The following SHROOM3 variants were observed in gnomAD, a reference collection of about 807,000 sequenced individuals.
SHROOM3 encodes the protein protein Shroom3.
In SHROOM3, 47 loss-of-function variants were observed where a neutral mutation model predicts 138.6. The observed-to-expected ratio is 0.34, with a 90% CI of 0.27 to 0.43. The LOEUF is 0.43. Among genes scored for constraint, SHROOM3 ranks in the 20% least tolerant of loss-of-function variants. The pLI, the probability that SHROOM3 is intolerant of heterozygous loss-of-function variation, is 1.00. For synonymous variants in SHROOM3, 1,062 were observed against 1,063.3 expected (o/e 1.00, Z 0.02); for missense variants, 2,491 against 2,596.5 (o/e 0.96, Z 0.88).
At chr4:76,681,034 A>G (rs1355087811) in intron 2 of SHROOM3, among the ~76,000 whole-genome samples, 2 of 152,220 alleles carry the variant, frequency 1.3e-5, no homozygotes, top group East Asian at 1.9e-4. Flanking sequence ...CCTACAAAAT[A>G]AAGTACAGAT....
intron 5 of SHROOM3, among the ~76,000 whole-genome samples, chr4:76,747,620 C>T (rs923499443): frequency 6.6e-6 from 1 of 152,082 alleles, no homozygotes; most frequent in Non-Finnish European, 1.5e-5. Context: ...CTGGGTTAGG[C>T]GCTCACATGG....
intron 1 of SHROOM3, among the ~76,000 whole-genome samples, chr4:76,441,475 T>C (rs545193908): frequency 6.1e-4 from 93 of 152,298 alleles, no homozygotes; most frequent in African/African-American, 2.2e-3. Flanking sequence ...CTTTTTCGTC[T>C]CCTTCCAACT....
chr4:76,477,665 G>A (rs1265773121), intron 1 of SHROOM3, among the ~76,000 whole-genome samples: 1 of 152,154 alleles, frequency 6.6e-6, no homozygotes, highest in African/African-American at 2.4e-5. Context: ...AAGAACAGAT[G>A]ATGTGATTTT....
chr4:76,572,143 G>A lies in SHROOM3; in HGVS notation c.323+16380G>A, dbSNP rs1323280071. ...TCTTACTCCCTCAGAGCCTTGCTAG[G>A]AGATGATTTGCTAATCTTTGACATG... On this transcript the variant is annotated intron_variant, in intron 2 of 10. Transcript: ENST00000296043. 3.9e-5 allele frequency among the ~76,000 whole-genome samples: 6 copies of A among 152,160 alleles called. No homozygotes were observed. The East Asian group carries it at 1.2e-3, about 29-fold the overall frequency.
intron 1 of SHROOM3, among the ~76,000 whole-genome samples, chr4:76,552,014 A>G (rs890158523): frequency 1.6e-5 from 2 of 125,000 alleles, no homozygotes; most frequent in African/African-American, 3.3e-5. Context: ...GGCGCCCGCC[A>G]TCACGCCCGG....
chr4:76,451,475 A>C (rs1334260678), intron 1 of SHROOM3, among the ~76,000 whole-genome samples: 2 of 152,248 alleles, frequency 1.3e-5, no homozygotes, highest in East Asian at 1.9e-4. Context: ...CATTGGTGAA[A>C]GAAATCAGAC....
At chr4:76,770,563 T>G (rs1578035110) in intron 9 of SHROOM3, 63 bp from the exon 10 acceptor site, 1 of 1,597,986 alleles carries the variant, frequency 6.3e-7, no homozygotes, top group East Asian at 2.2e-5. Context: ...CTGGGGGAGG[T>G]GACTTCTGCT....
At chr4:76,600,630 C>G (rs1370409621) in intron 2 of SHROOM3, among the ~76,000 whole-genome samples, 1 of 152,062 alleles carries the variant, frequency 6.6e-6, no homozygotes, top group Admixed American at 6.5e-5. Context: ...GATAAGAGAC[C>G]GGGTGACTGT....
intron 1 of SHROOM3, among the ~76,000 whole-genome samples, chr4:76,529,349 CT>C: frequency 6.6e-6 from 1 of 151,528 alleles, no homozygotes; most frequent in Non-Finnish European, 1.5e-5. Flanking sequence ...CAGAGTCTCG[CT>C]CTGTTGCCCA....
intron 3 of SHROOM3, among the ~76,000 whole-genome samples, chr4:76,720,270 G>C (rs1353421723): frequency 2.1e-5 from 3 of 143,302 alleles, no homozygotes; most frequent in African/African-American, 7.8e-5. Context: ...GTTCAGGCCT[G>C]TAATCCCTTT....
intron 8 of SHROOM3, chr4:76,758,420 A>G (rs1326242938): frequency 1.3e-5 from 2 of 151,110 alleles, no homozygotes. Flanking sequence ...CAGAATGGTC[A>G]TGGAGCTTTT....
chr4:76,774,299 CAAGT>C (rs1212379535), intron 10 of SHROOM3, among the ~76,000 whole-genome samples: 1 of 152,108 alleles, frequency 6.6e-6, no homozygotes, highest in African/African-American at 2.4e-5. Context: ...CTCTTAAATA[CAAGT>C]AAGTTTGCTC....
At chr4:76,755,281 A>G (rs2110144287) in intron 7 of SHROOM3, 89 bp downstream of exon 7, 8 of 1,455,202 alleles carry the variant, frequency 5.5e-6, no homozygotes, top group South Asian at 1.2e-5. Context: ...CCACAGAAGA[A>G]CCCTGGCATG....
At chr4:76,726,191 C>T (rs146466055) in intron 3 of SHROOM3, among the ~76,000 whole-genome samples, 1 of 152,182 alleles carries the variant, frequency 6.6e-6, no homozygotes, top group East Asian at 1.9e-4. Flanking sequence ...TCCTCACTCT[C>T]CCCACTAGAA....
At chr4:76,644,304 T>A (rs1044971840) in intron 2 of SHROOM3, 1 of 150,310 alleles carries the variant, frequency 6.7e-6, no homozygotes, top group Non-Finnish European at 1.5e-5. Flanking sequence ...CAGGCTGGAG[T>A]GCAATGGCAT....
chr4:76,779,404 C>T lies in SHROOM3; in HGVS notation c.*227C>T, dbSNP rs942075975. On this transcript the variant is annotated 3_prime_UTR_variant, in exon 11 of 11. Transcript: ENST00000296043. ...GGACACGTACCCCTTTCTATTATTA[C>T]TTTGTAGTAGAAAGAAAGTTAATGA... is the stretch of plus-strand genomic sequence containing the variant. 1.5e-5 allele frequency: 8 copies of T among 517,008 alleles called. No homozygotes were observed. The highest frequency in any genetic ancestry group is 5.8e-5 in the African/African-American group (3 of 51,936). 32.0% of individuals were successfully genotyped at this position (517,008 alleles called of 1,614,324 possible).
Position 76,696,605 on chromosome 4 carries a change from C to G in SHROOM3, c.324-13551C>G, listed in dbSNP as rs949121818. 2.6e-5 allele frequency among the ~76,000 whole-genome samples: 4 copies of G among 152,316 alleles called. No individual in the cohort carries two copies. The South Asian group carries it at 6.2e-4, about 24-fold the overall frequency. On this transcript the variant is annotated intron_variant, in intron 2 of 10. Transcript: ENST00000296043. Reference sequence around the variant, plus strand: ...GTCATAGGCTGGCCTGGCCTGGCGTCCCTGACCTGCCAAACTCCTCCCTGA... The same window carrying G: ...GTCATAGGCTGGCCTGGCCTGGCGTGCCTGACCTGCCAAACTCCTCCCTGA...
intron 1 of SHROOM3, among the ~76,000 whole-genome samples, chr4:76,504,315 C>T (rs1291188878): frequency 6.6e-6 from 1 of 152,102 alleles, no homozygotes; most frequent in East Asian, 1.9e-4. Context: ...TGCGCCACCA[C>T]GCCTGGCTAA....
chr4:76,740,896 C>T lies in SHROOM3; in HGVS notation c.2723C>T (p.Pro908Leu). The change falls in exon 5 of 11, where the codon CCC (proline) becomes CTC (leucine). Residue 908 changes from proline to leucine, a missense_variant. Physicochemically the swap from Pro to Leu is moderately conservative, Grantham distance 98 (BLOSUM62 -3). This residue lies in a region of SHROOM3 where 1,733 missense variants were observed against 1,661.6 expected (regional missense o/e 1.04). Coordinates refer to ENST00000296043, the MANE Select transcript of SHROOM3 (RefSeq NM_020859.4). The surrounding 1 kb of genome is among the most constrained non-coding windows in gnomAD (Gnocchi z 4.0). Reference sequence around the variant, plus strand: ...AGGGAGCCCGAGTGGCGGGACAGGCCCGGCTCGCCCGAATCGCCCCTGCTG... The same window carrying T: ...AGGGAGCCCGAGTGGCGGGACAGGCTCGGCTCGCCCGAATCGCCCCTGCTG... Reference protein sequence around the residue: ...PEREPEWRDRPGSPESPLLDA... With the variant: ...PEREPEWRDRLGSPESPLLDA... 6.6e-7 allele frequency: 1 copy of T among 1,510,918 alleles called. No homozygotes were observed. Among genetic ancestry groups the T allele is most frequent in the Non-Finnish European group, 8.8e-7 (1 of 1,134,124 alleles). The allele number at this position is 1,510,918 out of a possible 1,614,324, so 93.6% of individuals were successfully genotyped here.
Sources: gnomAD v4.1 joint callset for allele counts (sites outside exome capture counted in the v4.1 genomes callset) on GRCh38, gnomAD v4.1.1 for gene constraint, gnomAD v4.1.1 regional missense constraint, Gnocchi (gnomAD v3.1) non-coding constraint, MANE v1.5 for transcripts, NCBI Gene and HGNC (gene_info 2026-07-23, HGNC 2026-07-21) for gene names.